The following RNF13 variants were observed in gnomAD, a reference collection of about 807,000 sequenced individuals.
The protein encoded by RNF13 is ring finger protein 13.
Under a neutral mutation model 37.7 loss-of-function variants are expected in RNF13, and 19 were observed. The ratio of observed to expected loss-of-function variants is 0.50; its 90% CI spans 0.35 to 0.74. RNF13 has a LOEUF of 0.74. RNF13 is among the 30% of genes least tolerant of loss of function. The probability of loss-of-function intolerance (pLI) is 0.01; values close to 1 mark genes in which losing one functional copy is unlikely to be tolerated. For missense variants in RNF13, 375 were observed against 453.0 expected, an observed-to-expected ratio of 0.83 and a Z score of 1.56; for synonymous variants, 144 against 157.8, an observed-to-expected ratio of 0.91 and a Z score of 0.65.
chr3:149,856,443 A>AC (rs1473885439), intron 3 of RNF13, among the ~76,000 whole-genome samples: 1 of 134,112 alleles, frequency 7.5e-6, no homozygotes, highest in African/African-American at 2.7e-5. Flanking sequence ...GCTGAAAAAT[A>AC]CTTTTTTTTT....
chr3:149,930,377 T>C (rs766489806), intron 8 of RNF13, among the ~76,000 whole-genome samples: 6 of 152,252 alleles, frequency 3.9e-5, no homozygotes, highest in Non-Finnish European at 8.8e-5. Flanking sequence ...TGCTGAGATT[T>C]TGATTGGGAT....
At chr3:149,837,453 G>A (rs1721735766) in intron 1 of RNF13, among the ~76,000 whole-genome samples, 1 of 152,088 alleles carries the variant, frequency 6.6e-6, no homozygotes, top group Admixed American at 6.6e-5. Context: ...TGCTGATAAA[G>A]ACACCTGAGA....
intron 8 of RNF13, among the ~76,000 whole-genome samples, chr3:149,951,724 A>G (rs1339121385): frequency 6.6e-6 from 1 of 152,234 alleles, no homozygotes; most frequent in Non-Finnish European, 1.5e-5. Flanking sequence ...AACACATACT[A>G]TTATGTAGTA....
At chr3:149,855,061 C>T (rs1428270500) in intron 3 of RNF13, among the ~76,000 whole-genome samples, 1 of 152,312 alleles carries the variant, frequency 6.6e-6, no homozygotes, top group East Asian at 1.9e-4. Flanking sequence ...CAGTGGCTCA[C>T]ATCTGCAGTC....
intron 3 of RNF13, among the ~76,000 whole-genome samples, chr3:149,865,950 C>G (rs1010177425): frequency 1.3e-5 from 2 of 151,398 alleles, no homozygotes; most frequent in Admixed American, 6.6e-5. Context: ...AAATGGCTAC[C>G]CCGTAGACAG....
Position 149,887,028 on chromosome 3 carries a change from T to C in RNF13, c.322-8445T>C, listed in dbSNP as rs376816914. Among the ~76,000 whole-genome samples, 6 of 152,302 alleles carry C rather than the reference T, an allele frequency of 3.9e-5. No individual in the cohort carries two copies. The East Asian group carries it at 1.2e-3, about 29-fold the overall frequency. ...CACTATGATCGGAGAATATACTTTG[T>C]GTGATTTCAGTACTTTTAAAGTTAT... On this transcript the variant is annotated intron_variant, in intron 4 of 9. Transcript: ENST00000392894.
At chr3:149,866,895 G>T (rs1325263370) in intron 3 of RNF13, among the ~76,000 whole-genome samples, 1 of 152,114 alleles carries the variant, frequency 6.6e-6, no homozygotes, top group Non-Finnish European at 1.5e-5. Flanking sequence ...AAAGATAGTG[G>T]TATGATTGCT....
intron 4 of RNF13, among the ~76,000 whole-genome samples, chr3:149,875,629 C>G (rs989210754): frequency 3.9e-5 from 6 of 152,094 alleles, no homozygotes; most frequent in African/African-American, 1.4e-4. Flanking sequence ...AATTTTTTAT[C>G]TTCTGTTGAG....
chr3:149,902,383 A>T (rs780125340), intron 6 of RNF13, among the ~76,000 whole-genome samples: 7 of 152,082 alleles, frequency 4.6e-5, no homozygotes, highest in Non-Finnish European at 8.8e-5. Flanking sequence ...AGTGAGAGTA[A>T]GTCACCCTTG....
chr3:149,905,003 T>C (rs1406905904), intron 6 of RNF13, among the ~76,000 whole-genome samples: 2 of 152,186 alleles, frequency 1.3e-5, no homozygotes, highest in African/African-American at 4.8e-5. Context: ...CAGTCCCCTG[T>C]TGATCAGCAT....
At chr3:149,914,442 TTTG>T (rs1717295005) in intron 7 of RNF13, among the ~76,000 whole-genome samples, 4 of 152,116 alleles carry the variant, frequency 2.6e-5, no homozygotes, top group Admixed American at 2.6e-4. Flanking sequence ...TGGTAATTTG[TTTG>T]TTGATTCCCT....
chr3:149,905,457 A>G (rs980668833), intron 6 of RNF13, among the ~76,000 whole-genome samples: 1 of 151,478 alleles, frequency 6.6e-6, no homozygotes, highest in African/African-American at 2.4e-5. Flanking sequence ...CTATTTTTAG[A>G]AGTTCTGTAT....
chr3:149,874,259 G>A lies in RNF13; in HGVS notation c.321+2105G>A, dbSNP rs569814437. On this transcript the variant is annotated intron_variant, in intron 4 of 9. Coordinates refer to ENST00000392894, the MANE Select transcript of RNF13 (RefSeq NM_183381.3). ...CCTAATGATTTCTGTCTTTGTCAGA[G>A]TTGTATAAATTTCTGGAACATCAGT... 5.3e-5 allele frequency among the ~76,000 whole-genome samples: 8 copies of A among 152,228 alleles called. 1 individual carries two copies. The East Asian group carries it at 9.7e-4, about 18-fold the overall frequency.
At chr3:149,921,580 C>G (rs967764146) in intron 8 of RNF13, among the ~76,000 whole-genome samples, 72 of 152,206 alleles carry the variant, frequency 4.7e-4, no homozygotes, top group African/African-American at 1.7e-3. Context: ...TGATATTTTG[C>G]TGAGAATGAT....
At chr3:149,942,608 G>C (rs1477288489) in intron 8 of RNF13, among the ~76,000 whole-genome samples, 1 of 152,002 alleles carries the variant, frequency 6.6e-6, no homozygotes, top group Non-Finnish European at 1.5e-5. Context: ...TGCTGAATTT[G>C]CTAATTTTAA....
intron 1 of RNF13, among the ~76,000 whole-genome samples, chr3:149,838,604 G>A (rs1054291269): frequency 5.9e-5 from 9 of 152,066 alleles, no homozygotes; most frequent in Admixed American, 6.6e-5. Context: ...GTTTAGCCAC[G>A]GCTGGGATGC....
chr3:149,959,977 TC>T, intron 8 of RNF13, 78 bp from the exon 9 acceptor site: 2 of 888,124 alleles, frequency 2.3e-6, no homozygotes, highest in Non-Finnish European at 3.7e-6. Context: ...GATAAATACA[TC>T]AAAAGGCAGT....
At chr3:149,863,646 C>G (rs1724508152) in intron 3 of RNF13, among the ~76,000 whole-genome samples, 1 of 152,160 alleles carries the variant, frequency 6.6e-6, no homozygotes, top group African/African-American at 2.4e-5. Flanking sequence ...TCCCAAAGTA[C>G]TGGGATTACA....
chr3:149,855,016 A>G (rs1346819155), intron 3 of RNF13, among the ~76,000 whole-genome samples: 2 of 152,164 alleles, frequency 1.3e-5, no homozygotes, highest in African/African-American at 2.4e-5. Context: ...ACAGATGTCT[A>G]CTGCAATAAT....
Sources: gnomAD v4.1 joint callset for allele counts (sites outside exome capture counted in the v4.1 genomes callset) on GRCh38, gnomAD v4.1.1 for gene constraint, MANE v1.5 for transcripts, NCBI Gene and HGNC (gene_info 2026-07-23, HGNC 2026-07-21) for gene names.